Variants in LHFPL3 observed in about 807,000 individuals in gnomAD.
LHFPL3 encodes the protein LHFPL tetraspan subfamily member 3 protein.
A neutral mutation model predicts 19.3 loss-of-function variants in LHFPL3; 5 were observed. The observed-to-expected ratio is 0.26, with a 90% CI of 0.14 to 0.54. The LOEUF is 0.54. Among genes scored for constraint, LHFPL3 ranks in the 20% least tolerant of loss-of-function variants. The pLI is 0.94. For synonymous variants in LHFPL3, 133 were observed against 126.2 expected, an observed-to-expected ratio of 1.05 and a Z score of -0.36; for missense variants, 249 against 307.4, an observed-to-expected ratio of 0.81 and a Z score of 1.42.
intron 1 of LHFPL3, among the ~76,000 whole-genome samples, chr7:104,344,027 G>T (rs2116373051): frequency 6.6e-6 from 1 of 152,042 alleles, no homozygotes; most frequent in Admixed American, 6.6e-5. Context: ...TTAGATTAAA[G>T]GAGCTCCCTT....
At chr7:104,675,068 G>A (rs1792565917) in intron 1 of LHFPL3, among the ~76,000 whole-genome samples, 1 of 152,220 alleles carries the variant, frequency 6.6e-6, no homozygotes, top group African/African-American at 2.4e-5. Flanking sequence ...CTTAAAGTAA[G>A]TAAATGTATG....
At chr7:104,732,899 T>C (rs1304147532) in intron 1 of LHFPL3, among the ~76,000 whole-genome samples, 1 of 152,230 alleles carries the variant, frequency 6.6e-6, no homozygotes, top group Non-Finnish European at 1.5e-5. Context: ...GCTTTAAATG[T>C]GTCCCAGAGA....
intron 2 of LHFPL3, among the ~76,000 whole-genome samples, chr7:104,842,184 T>TTAA (rs1554350332): frequency 7.1e-6 from 1 of 141,482 alleles, no homozygotes; most frequent in East Asian, 2.1e-4. Context: ...CACAATCCTT[T>TTAA]AAAAAAAAAA....
chr7:104,463,474 G>C (rs1018385478), intron 1 of LHFPL3, among the ~76,000 whole-genome samples: 2 of 152,136 alleles, frequency 1.3e-5, no homozygotes, highest in African/African-American at 4.8e-5. Context: ...CTTGATTTCT[G>C]CCTATATTAG....
At chr7:104,460,276 G>A (rs1454917084) in intron 1 of LHFPL3, among the ~76,000 whole-genome samples, 3 of 152,124 alleles carry the variant, frequency 2.0e-5, no homozygotes, top group Non-Finnish European at 2.9e-5. Flanking sequence ...TTGATTCCAT[G>A]TCTTTGCTAT....
intron 1 of LHFPL3, among the ~76,000 whole-genome samples, chr7:104,365,492 A>C (rs1161500746): frequency 1.3e-5 from 2 of 151,618 alleles, no homozygotes; most frequent in Non-Finnish European, 2.9e-5. Flanking sequence ...AACAAGATGA[A>C]AAGCCTCGGC....
intron 2 of LHFPL3, among the ~76,000 whole-genome samples, chr7:104,763,581 TTGG>T (rs1393301717): frequency 6.6e-6 from 1 of 152,176 alleles, no homozygotes; most frequent in Non-Finnish European, 1.5e-5. Flanking sequence ...TGCCCCACAG[TTGG>T]TGAGAGTATG....
chr7:104,768,467 A>C (rs1794497655), intron 2 of LHFPL3, among the ~76,000 whole-genome samples: 1 of 152,088 alleles, frequency 6.6e-6, no homozygotes, highest in Non-Finnish European at 1.5e-5. Flanking sequence ...TCACCCACAC[A>C]CCTAGGGGTG....
intron 1 of LHFPL3, among the ~76,000 whole-genome samples, chr7:104,633,501 T>G (rs1482504582): frequency 1.3e-5 from 2 of 151,902 alleles, no homozygotes; most frequent in Non-Finnish European, 2.9e-5. Flanking sequence ...TCCCCATCAG[T>G]TTAGCTGAAT....
chr7:104,521,717 G>C (rs1368237327), intron 1 of LHFPL3, among the ~76,000 whole-genome samples: 1 of 152,150 alleles, frequency 6.6e-6, no homozygotes, highest in Admixed American at 6.6e-5. Flanking sequence ...CCATCAAAAA[G>C]TGGTCGAAGG....
intron 1 of LHFPL3, among the ~76,000 whole-genome samples, chr7:104,608,146 G>A (rs985356749): frequency 2.0e-5 from 3 of 152,024 alleles, no homozygotes; most frequent in Admixed American, 1.3e-4. Flanking sequence ...CCATTACTGG[G>A]TATATACCCA....
chr7:104,857,974 G>A (rs1791541987), intron 2 of LHFPL3, among the ~76,000 whole-genome samples: 2 of 152,176 alleles, frequency 1.3e-5, no homozygotes, highest in Admixed American at 1.3e-4. Flanking sequence ...AAGTCAAGTA[G>A]GTAAATTCTA....
rs542492955 is a variant in LHFPL3, at chr7:104,368,362, A to G, written c.445+39138A>G. 3.9e-5 allele frequency among the ~76,000 whole-genome samples: 6 copies of G among 152,314 alleles called. No homozygotes were observed. The South Asian group carries it at 6.2e-4, about 16-fold the overall frequency. On this transcript the variant is annotated intron_variant, in intron 1 of 2. Transcript: ENST00000424859. ...AGGAAGTATGAGGGAGACAAAAAAA[A>G]GGGACCTGAACGGTTCAGTTTGAGA... is the stretch of plus-strand genomic sequence containing the variant.
chr7:104,406,428 A>C (rs892468128), intron 1 of LHFPL3, among the ~76,000 whole-genome samples: 2 of 152,070 alleles, frequency 1.3e-5, no homozygotes, highest in Non-Finnish European at 2.9e-5. Context: ...TGTATTGTCT[A>C]TCCACTATGT....
intron 1 of LHFPL3, among the ~76,000 whole-genome samples, chr7:104,466,177 A>G (rs913261551): frequency 6.6e-6 from 1 of 152,218 alleles, no homozygotes; most frequent in Non-Finnish European, 1.5e-5. Flanking sequence ...CCCAGCAACA[A>G]CTTACATATC....
At chr7:104,374,219 T>C (rs1257174866) in intron 1 of LHFPL3, among the ~76,000 whole-genome samples, 1 of 151,698 alleles carries the variant, frequency 6.6e-6, no homozygotes, top group Non-Finnish European at 1.5e-5. Flanking sequence ...TGTGTGTGTG[T>C]GTGTGTGTGT....
intron 1 of LHFPL3, among the ~76,000 whole-genome samples, chr7:104,333,389 G>A (rs1424412392): frequency 6.6e-6 from 1 of 152,194 alleles, no homozygotes; most frequent in Non-Finnish European, 1.5e-5. Context: ...GTGGAGATGG[G>A]ACACCTGATC....
intron 1 of LHFPL3, chr7:104,669,294 T>C: frequency 6.2e-7 from 1 of 1,613,836 alleles, no homozygotes; most frequent in Non-Finnish European, 8.5e-7. Flanking sequence ...CTCAACCATC[T>C]GAGGAAGGAC....
chr7:104,876,983 G>A (rs1791957681), intron 2 of LHFPL3, among the ~76,000 whole-genome samples: 1 of 152,158 alleles, frequency 6.6e-6, no homozygotes, highest in Non-Finnish European at 1.5e-5. Context: ...GTAGGGGCAT[G>A]GATGAAGCTG....
Sources: allele counts gnomAD v4.1 joint callset (sites outside exome capture counted in the v4.1 genomes callset), GRCh38; gene constraint gnomAD v4.1.1; transcripts MANE v1.5; gene names NCBI Gene and HGNC (gene_info 2026-07-23, HGNC 2026-07-21).